Variants in RUNX1T1 observed in about 807,000 individuals in gnomAD.
RUNX1T1 encodes RUNX1 partner transcriptional co-repressor 1.
In RUNX1T1, 4 loss-of-function variants were observed where a neutral mutation model predicts 62.8. The ratio of observed to expected loss-of-function variants is 0.06; its 90% CI spans 0.03 to 0.15. The LOEUF is 0.15. Ranked by LOEUF, RUNX1T1 falls within the 10% of genes least tolerant of loss-of-function variation. The pLI, the probability that RUNX1T1 is intolerant of heterozygous loss-of-function variation, is 1.00. For missense variants in RUNX1T1, 508 were observed against 754.3 expected, an observed-to-expected ratio of 0.67 and a Z score of 3.82; for synonymous variants, 291 against 286.0, an observed-to-expected ratio of 1.02 and a Z score of -0.18.
intron 1 of RUNX1T1, among the ~76,000 whole-genome samples, chr8:92,035,003 G>A (rs1345098788): frequency 3.9e-5 from 6 of 152,108 alleles, no homozygotes; most frequent in South Asian, 2.1e-4. Flanking sequence ...CACATGTAAC[G>A]AATGGGATAG....
intron 1 of RUNX1T1, among the ~76,000 whole-genome samples, chr8:92,046,324 A>G (rs1829394173): frequency 6.6e-6 from 1 of 152,172 alleles, no homozygotes; most frequent in Non-Finnish European, 1.5e-5. Flanking sequence ...TAAGACTCTC[A>G]AATAATGCCC....
At chr8:92,087,922 A>G (rs1034006925) in intron 1 of RUNX1T1, among the ~76,000 whole-genome samples, 32 of 152,224 alleles carry the variant, frequency 2.1e-4, no homozygotes, top group African/African-American at 6.8e-4. Context: ...AGGCACATCA[A>G]TGGAGACTGA....
chr8:92,053,701 T>C (rs1024606943), intron 1 of RUNX1T1, among the ~76,000 whole-genome samples: 1 of 152,222 alleles, frequency 6.6e-6, no homozygotes, highest in African/African-American at 2.4e-5. Context: ...TTTTTCCCCT[T>C]GTTAATTAAC....
downstream of RUNX1T1, chr8:91,956,052 C>G (rs964640502): frequency 8.7e-6 from 2 of 229,764 alleles, no homozygotes; most frequent in Non-Finnish European, 1.7e-5. Context: ...ATCTGCCATT[C>G]GGGTATGCAC....
intron 9 of RUNX1T1, among the ~76,000 whole-genome samples, chr8:91,972,048 CTAAT>C (rs757137368): frequency 9.2e-5 from 14 of 152,108 alleles, no homozygotes; most frequent in Non-Finnish European, 1.9e-4. Context: ...TCTATTAAAA[CTAAT>C]TATGACATGT....
At chr8:91,988,414 G>A (rs530336008) in intron 6 of RUNX1T1, among the ~76,000 whole-genome samples, 1 of 152,184 alleles carries the variant, frequency 6.6e-6, no homozygotes, top group East Asian at 1.9e-4. Context: ...AAAGACATTG[G>A]GAAAGAATAG....
At chr8:92,100,877 G>C (rs940025688), upstream of RUNX1T1, among the ~76,000 whole-genome samples, 1 of 152,210 alleles carries the variant, frequency 6.6e-6, no homozygotes, top group African/African-American at 2.4e-5. Flanking sequence ...GTTAGTTTAA[G>C]AAACAATGGT....
chr8:92,052,246 A>G (rs1830356170), intron 1 of RUNX1T1, among the ~76,000 whole-genome samples: 1 of 152,214 alleles, frequency 6.6e-6, no homozygotes, highest in Non-Finnish European at 1.5e-5. Context: ...AGACTAACTG[A>G]TATTACTGTG....
At chr8:92,057,777 T>C (rs1831272793) in intron 1 of RUNX1T1, among the ~76,000 whole-genome samples, 1 of 152,172 alleles carries the variant, frequency 6.6e-6, no homozygotes, top group Non-Finnish European at 1.5e-5. Flanking sequence ...GTTCTCAAGT[T>C]ATGAGTCATT....
chr8:91,961,421 G>T (rs1810422253), intron 10 of RUNX1T1, among the ~76,000 whole-genome samples: 1 of 152,166 alleles, frequency 6.6e-6, no homozygotes, highest in Non-Finnish European at 1.5e-5. Context: ...AGGGAACTGG[G>T]GCTCATTTGG....
intron 1 of RUNX1T1, among the ~76,000 whole-genome samples, chr8:92,032,995 T>TA (rs1826548518): frequency 6.6e-6 from 1 of 152,202 alleles, no homozygotes; most frequent in South Asian, 2.1e-4. Context: ...AATATGGTAT[T>TA]AGAGTATAAA....
intron 10 of RUNX1T1, among the ~76,000 whole-genome samples, chr8:91,967,245 C>T (rs1001700621): frequency 6.6e-5 from 10 of 152,138 alleles, no homozygotes; most frequent in Admixed American, 2.0e-4. Flanking sequence ...ATGCAACCTC[C>T]GATAACTTGG....
intron 5 of RUNX1T1, among the ~76,000 whole-genome samples, chr8:91,996,688 A>G (rs1164746673): frequency 6.6e-6 from 1 of 151,960 alleles, no homozygotes; most frequent in Non-Finnish European, 1.5e-5. Context: ...TGGCTTCAGT[A>G]TTCTGCTCAG....
chr8:92,091,597 G>T (rs1164223510), intron 1 of RUNX1T1, among the ~76,000 whole-genome samples: 1 of 152,168 alleles, frequency 6.6e-6, no homozygotes, highest in Non-Finnish European at 1.5e-5. Context: ...CAAGTGAAGG[G>T]ATTATGTCTG....
intron 1 of RUNX1T1, among the ~76,000 whole-genome samples, chr8:92,097,142 T>C (rs937019834): frequency 6.6e-6 from 1 of 152,116 alleles, no homozygotes; most frequent in Admixed American, 6.6e-5. Flanking sequence ...TCTGCCACAA[T>C]CCTCCAGTAA....
upstream of RUNX1T1, among the ~76,000 whole-genome samples, chr8:92,102,419 A>T (rs1425351957): frequency 6.6e-6 from 1 of 150,854 alleles, no homozygotes; most frequent in African/African-American, 2.4e-5. This position sits in a 1 kb window ranked among gnomAD's most constrained non-coding sequence, Gnocchi z 4.5. Flanking sequence ...ACAGAAAAAG[A>T]AAAGAAAAAA....
chr8:92,010,253 A>C (rs1376654994), intron 4 of RUNX1T1: 1 of 152,218 alleles, frequency 6.6e-6, no homozygotes, highest in Non-Finnish European at 1.5e-5. Flanking sequence ...TCAATCTGCT[A>C]AGCCCACTGT....
chr8:91,967,948 T>C (rs1430601981), intron 10 of RUNX1T1, among the ~76,000 whole-genome samples: 2 of 152,122 alleles, frequency 1.3e-5, no homozygotes, highest in African/African-American at 4.8e-5. Flanking sequence ...CTGTGGGAAA[T>C]ATGAGCAGAT....
chr8:92,068,206 T>C (rs1833157847), intron 2 of RUNX1T1, among the ~76,000 whole-genome samples: 2 of 152,344 alleles, frequency 1.3e-5, no homozygotes, highest in South Asian at 4.1e-4. Flanking sequence ...TTTTCTCATA[T>C]TTTGTACAGC....
Sources: allele counts gnomAD v4.1 joint callset (sites outside exome capture counted in the v4.1 genomes callset), GRCh38; gene constraint gnomAD v4.1.1; non-coding constraint Gnocchi (gnomAD v3.1); transcripts MANE v1.5; gene names NCBI Gene and HGNC (gene_info 2026-07-23, HGNC 2026-07-21).